Variants in NOL4 observed in about 807,000 individuals in gnomAD.
NOL4 encodes the protein cancer/testis antigen 125.
Under a neutral mutation model 75.9 loss-of-function variants are expected in NOL4, and 17 were observed. That is an observed-to-expected ratio of 0.22 (90% CI 0.15 to 0.34). NOL4 has a LOEUF of 0.34. NOL4 is among the 10% of genes least tolerant of loss of function. NOL4 has a pLI of 1.00. For synonymous variants in NOL4, 292 were observed against 289.9 expected (o/e 1.01, Z -0.07); for missense variants, 614 against 793.5 (o/e 0.77, Z 2.72).
At chr18:34,024,016 T>G (rs1273492946) in intron 5 of NOL4, among the ~76,000 whole-genome samples, 2 of 151,340 alleles carry the variant, frequency 1.3e-5, no homozygotes, top group Non-Finnish European at 2.9e-5. Flanking sequence ...ATGAAGAGAA[T>G]TGGCCTAAAA....
Position 34,158,907 on chromosome 18 carries a change from A to C in NOL4, c.265-28887T>G, listed in dbSNP as rs79374590. 6.6e-3 allele frequency among the ~76,000 whole-genome samples: 1,002 copies of C among 152,288 alleles called. 18 individuals are homozygous for C. Among genetic ancestry groups the C allele is most frequent in the African/African-American group, 0.023 (956 of 41,552 alleles). On this transcript the variant is annotated intron_variant, in intron 1 of 10. Coordinates refer to ENST00000261592, the MANE Select transcript of NOL4 (RefSeq NM_003787.5). ...TTTACTCTGGAAGATGCTGAGATACAAAATGTAGAATGGAAAGCCAAATAA... is the reference window on the plus strand; with the variant it reads ...TTTACTCTGGAAGATGCTGAGATACCAAATGTAGAATGGAAAGCCAAATAA...
intron 9 of NOL4, among the ~76,000 whole-genome samples, chr18:33,933,380 G>C (rs913484862): frequency 1.1e-4 from 17 of 152,108 alleles, no homozygotes; most frequent in Admixed American, 6.6e-4. Context: ...GTGTGGTTGT[G>C]ACAATTTCTT....
At chr18:33,949,250 C>T (rs1322978174) in intron 8 of NOL4, among the ~76,000 whole-genome samples, 2 of 152,052 alleles carry the variant, frequency 1.3e-5, no homozygotes, top group Non-Finnish European at 2.9e-5. Context: ...TTCAACTGTC[C>T]TTATTTCATT....
At chr18:34,090,590 G>T (rs988397741) in intron 5 of NOL4, among the ~76,000 whole-genome samples, 1 of 151,900 alleles carries the variant, frequency 6.6e-6, no homozygotes, top group Non-Finnish European at 1.5e-5. Flanking sequence ...CTGCACTCTG[G>T]CATCTATAGA....
intron 5 of NOL4, among the ~76,000 whole-genome samples, chr18:34,091,809 T>C (rs1184136541): frequency 2.0e-5 from 3 of 152,154 alleles, no homozygotes; most frequent in Admixed American, 2.0e-4. Flanking sequence ...GTATCTTACA[T>C]GTAAGGCAAG....
At chr18:34,076,070 T>G (rs2077730895) in intron 5 of NOL4, among the ~76,000 whole-genome samples, 1 of 152,132 alleles carries the variant, frequency 6.6e-6, no homozygotes, top group South Asian at 2.1e-4. Context: ...CATAGGTGAA[T>G]GAGAGACACT....
intron 6 of NOL4, among the ~76,000 whole-genome samples, chr18:33,960,059 A>T (rs2069982699): frequency 6.6e-6 from 1 of 152,058 alleles, no homozygotes; most frequent in Non-Finnish European, 1.5e-5. Flanking sequence ...ATTTCCCCTA[A>T]AACTGCTATT....
intron 2 of NOL4, among the ~76,000 whole-genome samples, chr18:34,115,818 T>C (rs963945714): frequency 2.0e-4 from 30 of 152,284 alleles, no homozygotes; most frequent in African/African-American, 7.2e-4. Context: ...CGTTCTTGAT[T>C]TCCTTGGCAG....
intron 8 of NOL4, among the ~76,000 whole-genome samples, chr18:33,954,429 G>A (rs1324059614): frequency 6.6e-6 from 1 of 151,984 alleles, no homozygotes; most frequent in South Asian, 2.1e-4. Context: ...GGTGGTAATA[G>A]GTATAATCTG....
At chr18:34,093,347 A>G (rs2078615035) in intron 5 of NOL4, 118 bp downstream of exon 5, 7 of 1,028,360 alleles carry the variant, frequency 6.8e-6, no homozygotes, top group Non-Finnish European at 9.7e-6. Flanking sequence ...AAGTTCCCAT[A>G]GAAATGGGTA....
intron 8 of NOL4, among the ~76,000 whole-genome samples, chr18:33,951,632 C>T (rs1445586764): frequency 1.3e-5 from 2 of 152,168 alleles, no homozygotes; most frequent in Non-Finnish European, 2.9e-5. Flanking sequence ...ATCTTCATTT[C>T]TTTTTCATAT....
intron 1 of NOL4, among the ~76,000 whole-genome samples, chr18:34,187,529 G>A (rs2034577395): frequency 6.6e-6 from 1 of 151,892 alleles, no homozygotes; most frequent in Non-Finnish European, 1.5e-5. Flanking sequence ...GGCGCCTAGA[G>A]GCGCCCGCCA....
At chr18:34,114,005 A>G (rs1309942023) in intron 2 of NOL4, among the ~76,000 whole-genome samples, 1 of 152,232 alleles carries the variant, frequency 6.6e-6, no homozygotes, top group African/African-American at 2.4e-5. Flanking sequence ...TTCTCGCAAT[A>G]TGTAATAGCA....
Position 34,183,138 on chromosome 18 carries a change from A to T in NOL4, c.264+39852T>A, listed in dbSNP as rs2034176526. Among the ~76,000 whole-genome samples, 3 of 151,856 alleles carry T rather than the reference A, an allele frequency of 2.0e-5. No individual in the cohort carries two copies. The South Asian group carries it at 6.2e-4, about 31-fold the overall frequency. On this transcript the variant is annotated intron_variant, in intron 1 of 10. Coordinates refer to ENST00000261592, the MANE Select transcript of NOL4 (RefSeq NM_003787.5). ...AATAAGTTACAGAGTAGGAGGAAAT[A>T]TTTGCAAATCACATTTCTGACAAAG...
At chr18:33,914,772 C>T (rs1042879406) in intron 9 of NOL4, among the ~76,000 whole-genome samples, 1 of 152,060 alleles carries the variant, frequency 6.6e-6, no homozygotes, top group African/African-American at 2.4e-5. Flanking sequence ...GAATGAAGGA[C>T]ATTAACTGGG....
At chr18:33,955,035 GTGGAAAATT>G (rs199901724) in intron 8 of NOL4, among the ~76,000 whole-genome samples, 3,830 of 152,180 alleles carry the variant, frequency 0.025, 82 homozygotes, top group Non-Finnish European at 0.038. Flanking sequence ...CAAATAGCAA[GTGGAAAATT>G]CAAACAAAAT....
At chr18:33,918,466 C>T (rs2066855301) in intron 9 of NOL4, among the ~76,000 whole-genome samples, 1 of 151,906 alleles carries the variant, frequency 6.6e-6, no homozygotes, top group African/African-American at 2.4e-5. Context: ...AGTATCCTCT[C>T]AAGGGCAAAA....
intron 9 of NOL4, among the ~76,000 whole-genome samples, chr18:33,905,733 A>G (rs2065997180): frequency 6.6e-6 from 1 of 152,188 alleles, no homozygotes; most frequent in Non-Finnish European, 1.5e-5. Flanking sequence ...GCATGCACCC[A>G]GAAGTTCCAT....
chr18:33,997,131 T>C (rs1034623332), intron 6 of NOL4, among the ~76,000 whole-genome samples: 1 of 151,962 alleles, frequency 6.6e-6, no homozygotes, highest in Non-Finnish European at 1.5e-5. Context: ...GTTGCATTTA[T>C]TTTTGAGTAC....
Sources: gnomAD v4.1 joint callset for allele counts (sites outside exome capture counted in the v4.1 genomes callset) on GRCh38, gnomAD v4.1.1 for gene constraint, MANE v1.5 for transcripts, NCBI Gene and HGNC (gene_info 2026-07-23, HGNC 2026-07-21) for gene names.